ERBB4: variants seen among roughly 807,000 people sequenced by gnomAD.
ERBB4 encodes receptor tyrosine-protein kinase erbB-4.
A neutral mutation model predicts 158.0 loss-of-function variants in ERBB4; 42 were observed. The observed-to-expected ratio is 0.27, with a 90% CI of 0.21 to 0.34. The LOEUF is 0.34. ERBB4 is among the 10% of genes least tolerant of loss of function. The probability of loss-of-function intolerance (pLI) is 1.00; values close to 1 mark genes in which losing one functional copy is unlikely to be tolerated. For synonymous variants in ERBB4, 583 were observed against 558.7 expected, an observed-to-expected ratio of 1.04 and a Z score of -0.61; for missense variants, 1,333 against 1,624.1, an observed-to-expected ratio of 0.82 and a Z score of 3.08.
At chr2:212,087,893 T>A (rs2078662956) in intron 2 of ERBB4, among the ~76,000 whole-genome samples, 1 of 145,510 alleles carries the variant, frequency 6.9e-6, no homozygotes, top group African/African-American at 2.4e-5. Context: ...TAGTTCCTTT[T>A]TCTGTTAAAA....
In ERBB4 at chr2:211,470,560, A is replaced by C. The variant is rs772195945; in HGVS notation, c.2488-39460T>G. Among the ~76,000 whole-genome samples the C allele has an allele frequency of 2.6e-5, 4 of 152,192 alleles. No individual in the cohort carries two copies. In the South Asian group the frequency reaches 8.3e-4, roughly 31 times the overall value. On this transcript the variant is annotated intron_variant, in intron 20 of 27. Transcript: ENST00000342788. ...TCTATTTATTTAATTTTTTAAATTT[A>C]ATTGTTTTGATACCTCAGTTTTCTA...
chr2:212,163,112 C>T (rs1015199877), intron 1 of ERBB4, among the ~76,000 whole-genome samples: 2 of 151,888 alleles, frequency 1.3e-5, no homozygotes, highest in African/African-American at 4.8e-5. Context: ...AAAATCCTAA[C>T]CAATTTTATG....
At chr2:212,459,557 C>T (rs1179000967) in intron 1 of ERBB4, among the ~76,000 whole-genome samples, 3 of 152,098 alleles carry the variant, frequency 2.0e-5, no homozygotes, top group Non-Finnish European at 4.4e-5. Context: ...CACTCTCTCT[C>T]AAAATACCAA....
intron 1 of ERBB4, among the ~76,000 whole-genome samples, chr2:212,454,807 T>C (rs1688194680): frequency 6.6e-6 from 1 of 152,132 alleles, no homozygotes; most frequent in Non-Finnish European, 1.5e-5. Flanking sequence ...TGTTTCCACA[T>C]CAACAAAGTG....
chr2:212,258,408 C>A (rs952295012), intron 1 of ERBB4, among the ~76,000 whole-genome samples: 11 of 151,582 alleles, frequency 7.3e-5, no homozygotes, highest in Non-Finnish European at 1.6e-4. Context: ...ACGAAAAATA[C>A]CGTCCACTGT....
intron 1 of ERBB4, among the ~76,000 whole-genome samples, chr2:212,127,303 A>G (rs182581085): frequency 6.6e-6 from 1 of 152,328 alleles, no homozygotes; most frequent in Admixed American, 6.5e-5. Flanking sequence ...TTAAAACATT[A>G]TATTTTTTGC....
rs1468282668 is a variant in ERBB4 at position 212,128,640 on chromosome 2, A to G, written c.83-3737T>C. Among the ~76,000 whole-genome samples the G allele has an allele frequency of 3.3e-5, 5 of 152,342 alleles. No individual in the cohort carries two copies. The East Asian group carries it at 5.8e-4, about 18-fold the overall frequency. ...TGCTAAAATGTTACACACAGAAAGG[A>G]TTAAATTCTAGTTGTGTTATATGCT... On this transcript the variant is annotated intron_variant, in intron 1 of 27. Transcript: ENST00000342788.
At chr2:212,511,850 T>C (rs969374287) in intron 1 of ERBB4, among the ~76,000 whole-genome samples, 1 of 149,882 alleles carries the variant, frequency 6.7e-6, no homozygotes, top group Admixed American at 6.6e-5. Context: ...TCATGAAGAA[T>C]CCATTTTGCC....
intron 3 of ERBB4, among the ~76,000 whole-genome samples, chr2:211,931,298 C>T (rs990335590): frequency 6.6e-6 from 1 of 151,952 alleles, no homozygotes; most frequent in Non-Finnish European, 1.5e-5. Context: ...TAAGAATAAA[C>T]ACATTTTGTT....
intron 1 of ERBB4, among the ~76,000 whole-genome samples, chr2:212,469,050 T>G (rs1350718479): frequency 6.6e-6 from 1 of 152,194 alleles, no homozygotes; most frequent in Non-Finnish European, 1.5e-5. Flanking sequence ...TATTTAATAT[T>G]TCAAAAGGTG....
At chr2:211,801,379 T>C (rs1001350730) in intron 3 of ERBB4, among the ~76,000 whole-genome samples, 1 of 152,162 alleles carries the variant, frequency 6.6e-6, no homozygotes, top group African/African-American at 2.4e-5. Flanking sequence ...GAAATATATA[T>C]TTTTTAAATC....
intron 2 of ERBB4, among the ~76,000 whole-genome samples, chr2:212,012,715 TTTGTTGTTGTTG>T (rs373209705): frequency 6.6e-6 from 1 of 151,742 alleles, no homozygotes; most frequent in Admixed American, 6.6e-5. Flanking sequence ...GCCCAAACTT[TTTGTTGTTGTTG>T]TTGTTGTTGT....
chr2:212,479,932 A>C (rs928318245), intron 1 of ERBB4, among the ~76,000 whole-genome samples: 4 of 152,106 alleles, frequency 2.6e-5, no homozygotes, highest in African/African-American at 9.7e-5. Flanking sequence ...TCCAATGTAC[A>C]TTCCTGCATT....
At chr2:211,432,978 A>G (rs1559163068) in intron 20 of ERBB4, among the ~76,000 whole-genome samples, 1 of 152,206 alleles carries the variant, frequency 6.6e-6, no homozygotes, top group Non-Finnish European at 1.5e-5. Flanking sequence ...AGTATGCGTG[A>G]GAGGAGAGAC....
chr2:211,799,109 T>G (rs2076444237), intron 3 of ERBB4, among the ~76,000 whole-genome samples: 1 of 152,140 alleles, frequency 6.6e-6, no homozygotes, highest in Non-Finnish European at 1.5e-5. Flanking sequence ...TAAATTAGCA[T>G]AAATTCCAAA....
intron 1 of ERBB4, among the ~76,000 whole-genome samples, chr2:212,419,518 T>C (rs1252672955): frequency 6.6e-6 from 1 of 151,912 alleles, no homozygotes; most frequent in African/African-American, 2.4e-5. Flanking sequence ...TAAGATACTA[T>C]GTATGTGTGT....
At chr2:211,965,043 A>G (rs1214764469) in intron 2 of ERBB4, among the ~76,000 whole-genome samples, 2 of 152,190 alleles carry the variant, frequency 1.3e-5, no homozygotes, top group Non-Finnish European at 2.9e-5. Flanking sequence ...ACTATTACCT[A>G]TACGGCACAA....
chr2:211,515,498 A>C (rs1433464145), intron 20 of ERBB4, among the ~76,000 whole-genome samples: 1 of 152,092 alleles, frequency 6.6e-6, no homozygotes, highest in Non-Finnish European at 1.5e-5. Context: ...TCAGTTGAGT[A>C]GACTGCATAT....
At chr2:212,240,929 T>C (rs372122477) in intron 1 of ERBB4, among the ~76,000 whole-genome samples, 3 of 152,144 alleles carry the variant, frequency 2.0e-5, no homozygotes, top group African/African-American at 7.2e-5. Context: ...ATGGACATAG[T>C]AATGGATAAG....
Sources: allele counts gnomAD v4.1 joint callset (sites outside exome capture counted in the v4.1 genomes callset), GRCh38; gene constraint gnomAD v4.1.1; transcripts MANE v1.5; gene names NCBI Gene and HGNC (gene_info 2026-07-23, HGNC 2026-07-21).